Variants in HDC observed in about 807,000 individuals in gnomAD.
The protein encoded by HDC is histidine decarboxylase.
Under a neutral mutation model 64.4 loss-of-function variants are expected in HDC, and 27 were observed. That is an observed-to-expected ratio of 0.42 (90% CI 0.31 to 0.58). The LOEUF is 0.58. HDC is among the 20% of genes least tolerant of loss of function. The pLI is 0.16. For synonymous variants in HDC, 305 were observed against 314.2 expected, an observed-to-expected ratio of 0.97 and a Z score of 0.31; for missense variants, 711 against 833.9, an observed-to-expected ratio of 0.85 and a Z score of 1.81.
Position 50,244,285 on chromosome 15 carries a change from C to CTTTTTTTT in HDC, c.1141-1049_1141-1042dup, listed in dbSNP as rs554623599. On this transcript the variant is annotated intron_variant, in intron 10 of 11. Transcript: ENST00000267845. ...GAGGGCAAGGGAGTTAGCTGAACCTCTTTTTTTTTTTTTTTTTTTTTTTTT... is the reference window on the plus strand; with the variant it reads ...GAGGGCAAGGGAGTTAGCTGAACCTCTTTTTTTTTTTTTTTTTTTTTTTTTTTTTTTTT... 1.1e-4 allele frequency among the ~76,000 whole-genome samples: 12 copies of CTTTTTTTT among 105,168 alleles called. 1 individual carries two copies. The highest frequency in any genetic ancestry group is 4.3e-4 in the African/African-American group (12 of 27,800). 69.0% of individuals were successfully genotyped at this position (105,168 alleles called of 152,430 possible).
chr15:50,262,844 C>G (rs1259529040), intron 2 of HDC, among the ~76,000 whole-genome samples: 1 of 152,088 alleles, frequency 6.6e-6, no homozygotes, highest in African/African-American at 2.4e-5. Flanking sequence ...TCGTCAGGGC[C>G]AGGCACTACC....
Position 50,258,637 on chromosome 15 carries a change from CA to C in HDC, c.205-121del, listed in dbSNP as rs2045663700. ...CTAGAGATGGGCTGACACTTTTAAG[CA>C]GAAATAAGTGACATAACTCCATGAA... is the stretch of plus-strand genomic sequence containing the variant. On this transcript the variant is annotated intron_variant, in intron 2 of 11. Transcript: ENST00000267845. 7.1e-6 allele frequency: 5 copies of C among 708,290 alleles called. No individual in the cohort carries two copies. The Admixed American group carries it at 1.0e-4, about 14-fold the overall frequency. 43.9% of individuals were successfully genotyped at this position (708,290 alleles called of 1,614,324 possible). A position where few individuals can be genotyped will look rare whatever the true frequency, so the allele number is the denominator to read the frequency against.
At chr15:50,262,016 C>T (rs1366800333) in intron 2 of HDC, among the ~76,000 whole-genome samples, 1 of 151,944 alleles carries the variant, frequency 6.6e-6, no homozygotes, top group East Asian at 1.9e-4. Flanking sequence ...GCCTTTTTGT[C>T]ACATTGAAGT....
chr15:50,254,091 G>T (rs371515091), intron 6 of HDC, 39 bp downstream of exon 6: 6 of 1,611,776 alleles, frequency 3.7e-6, no homozygotes, highest in Non-Finnish European at 5.1e-6. Context: ...TCACATCCAA[G>T]TTCTATCATT....
At chr15:50,265,310 T>C (rs1358594738) in intron 1 of HDC, among the ~76,000 whole-genome samples, 1 of 152,024 alleles carries the variant, frequency 6.6e-6, no homozygotes, top group Non-Finnish European at 1.5e-5. Context: ...GGGATCCAAA[T>C]CCTCAATTTT....
chr15:50,250,008 T>C (rs1055822492), intron 9 of HDC, among the ~76,000 whole-genome samples: 1 of 152,218 alleles, frequency 6.6e-6, no homozygotes. Flanking sequence ...GCCTCCTCTG[T>C]GTCCTTGTAA....
At chr15:50,252,201 C>G (rs759238035) in intron 9 of HDC, among the ~76,000 whole-genome samples, 3 of 152,246 alleles carry the variant, frequency 2.0e-5, no homozygotes, top group Non-Finnish European at 4.4e-5. Flanking sequence ...AATGTGCACA[C>G]TGCCTCAAAG....
At chr15:50,254,079 C>A in intron 6 of HDC, 51 bp downstream of exon 6, 2 of 1,606,036 alleles carry the variant, frequency 1.2e-6, no homozygotes, top group Non-Finnish European at 1.7e-6. Context: ...AAAATTCCTT[C>A]CTCACATCCA....
At position 50,242,359 on chromosome 15, in the gene HDC, G is replaced by T. The variant is rs1471890215; in HGVS notation, c.1890C>A (p.Phe630Leu). The change falls in exon 12 of 12, where the codon TTC becomes TTA. Residue 630 changes from phenylalanine to leucine, a missense_variant. By Grantham distance (22) the Phe-to-Leu change is conservative (BLOSUM62 0). This residue lies in a region of HDC where 483 missense variants were observed against 540.9 expected (regional missense o/e 0.89). Coordinates refer to ENST00000267845, the MANE Select transcript of HDC (RefSeq NM_002112.4). The stretch of plus-strand genomic sequence containing the variant: ...CGCTGTAGAATTTGATGAGTTTTTT[G>T]AAGGCACTTTTCTTCAGCATCATCA... ...EDMMMLKKSA[F>L]KKLIKFYSVP... is the part of the protein sequence containing the mutation. 9 of 1,614,126 alleles carry T rather than the reference G, an allele frequency of 5.6e-6. No homozygotes were observed. Among genetic ancestry groups the T allele is most frequent in the Middle Eastern group, 1.6e-4 (1 of 6,062 alleles).
intron 10 of HDC, among the ~76,000 whole-genome samples, chr15:50,246,364 G>A (rs1312748739): frequency 6.6e-6 from 1 of 152,184 alleles, no homozygotes; most frequent in Non-Finnish European, 1.5e-5. Flanking sequence ...GAAGAACTTT[G>A]AGCACAGTTT....
intron 7 of HDC, chr15:50,253,205 C>A (rs537392003): frequency 5.4e-6 from 2 of 372,062 alleles, no homozygotes; most frequent in South Asian, 5.1e-5. Flanking sequence ...TAATCTCTCC[C>A]ATGATTTCCC....
intron 10 of HDC, among the ~76,000 whole-genome samples, chr15:50,247,074 T>A (rs1333965318): frequency 6.6e-6 from 1 of 152,102 alleles, no homozygotes; most frequent in Non-Finnish European, 1.5e-5. Flanking sequence ...CACAGTAGAA[T>A]GATGGTTGGC....
At chr15:50,253,349 G>A (rs138351519) in intron 7 of HDC, 2 of 562,858 alleles carry the variant, frequency 3.6e-6, no homozygotes, top group African/African-American at 3.8e-5. Context: ...AAAACCGAAG[G>A]CTCTCCTACT....
At chr15:50,252,303 A>G (rs891187857) in intron 9 of HDC, 127 bp downstream of exon 9, 3 of 732,594 alleles carry the variant, frequency 4.1e-6, no homozygotes, top group Non-Finnish European at 7.3e-6. Context: ...CATTGGCAGT[A>G]TTATGAGATG....
chr15:50,252,287 G>C, intron 9 of HDC, 143 bp downstream of exon 9: 1 of 680,036 alleles, frequency 1.5e-6, no homozygotes, highest in South Asian at 1.6e-5. Context: ...TAGAAACCAA[G>C]GTATGCATTG....
intron 10 of HDC, among the ~76,000 whole-genome samples, chr15:50,243,462 C>G (rs1007685916): frequency 6.6e-6 from 1 of 152,226 alleles, no homozygotes; most frequent in African/African-American, 2.4e-5. Context: ...GGATCCACCT[C>G]GAGAACTCAT....
chr15:50,255,503 T>C (rs2045618249), intron 4 of HDC, among the ~76,000 whole-genome samples: 1 of 152,090 alleles, frequency 6.6e-6, no homozygotes. Flanking sequence ...TAAAGAAGTA[T>C]GTAGCATAAT....
intron 2 of HDC, among the ~76,000 whole-genome samples, chr15:50,262,252 T>G (rs2045713928): frequency 6.6e-6 from 1 of 152,122 alleles, no homozygotes; most frequent in African/African-American, 2.4e-5. Context: ...GCACAGCCTG[T>G]GAAGTAAGAC....
rs151055397 is a variant in HDC at position 50,242,090 on chromosome 15, C to G, written c.*170G>C. On this transcript the variant is annotated 3_prime_UTR_variant, in exon 12 of 12. Transcript: ENST00000267845. ...CTGGATCATGCTGGCTTAAACTCTT[C>G]GTTTGTATCCTATTGTGGGTCATGA... The G allele has an allele frequency of 0.01, 6,880 of 678,004 alleles. 81 individuals are homozygous for G. The highest frequency in any genetic ancestry group is 0.047 in the Middle Eastern group (114 of 2,438). The allele number at this position is 678,004 out of a possible 1,614,324, so 42.0% of individuals were successfully genotyped here.
Sources: allele counts gnomAD v4.1 joint callset (sites outside exome capture counted in the v4.1 genomes callset), GRCh38; gene constraint gnomAD v4.1.1; regional missense constraint gnomAD v4.1.1; transcripts MANE v1.5; gene names NCBI Gene and HGNC (gene_info 2026-07-23, HGNC 2026-07-21).